The following NPLOC4 variants were observed in gnomAD, a reference collection of about 807,000 sequenced individuals.
The protein encoded by NPLOC4 is NPL4 homolog, ubiquitin recognition factor.
NPLOC4 carries 18 observed loss-of-function variants against 80.6 expected under a neutral mutation model. The ratio of observed to expected loss-of-function variants is 0.22; its 90% CI spans 0.15 to 0.33. NPLOC4 has a LOEUF of 0.33. Among genes scored for constraint, NPLOC4 ranks in the 10% least tolerant of loss-of-function variants. The probability of loss-of-function intolerance (pLI) is 1.00; values close to 1 mark genes in which losing one functional copy is unlikely to be tolerated. For synonymous variants in NPLOC4, 313 were observed against 301.5 expected (o/e 1.04, Z -0.39); for missense variants, 540 against 786.1 (o/e 0.69, Z 3.74).
Position 81,558,815 on chromosome 17 carries a change from A to C in NPLOC4, c.*444T>G. On this transcript the variant is annotated 3_prime_UTR_variant, in exon 17 of 17. Transcript: ENST00000331134. The stretch of plus-strand genomic sequence containing the variant: ...ACAGGCAGGGTGCCTGCCACCAAGC[A>C]GTCAGACAAGGGGGTAACCAAGAGC... 1 of 153,944 alleles carries C rather than the reference A, an allele frequency of 6.5e-6. No homozygotes were observed. Among genetic ancestry groups the C allele is most frequent in the Non-Finnish European group, 1.4e-5 (1 of 69,164 alleles). The allele number at this position is 153,944 out of a possible 1,614,324, so 9.5% of individuals were successfully genotyped here.
chr17:81,609,331 T>C (rs898554734), intron 5 of NPLOC4, among the ~76,000 whole-genome samples: 2 of 152,168 alleles, frequency 1.3e-5, no homozygotes, highest in African/African-American at 2.4e-5. Flanking sequence ...TTAACTGTTT[T>C]AGAGATGGGG....
At chr17:81,560,887 T>A (rs1211668346) in intron 16 of NPLOC4, 1 of 152,232 alleles carries the variant, frequency 6.6e-6, no homozygotes, top group Non-Finnish European at 1.5e-5. Flanking sequence ...GTCGCGTTTT[T>A]TTCATTTCAG....
chr17:81,604,844 A>G (rs1732388194), intron 7 of NPLOC4, 117 bp from the exon 8 acceptor site: 1 of 897,466 alleles, frequency 1.1e-6, no homozygotes, highest in Non-Finnish European at 1.7e-6. Flanking sequence ...AAACAAACCA[A>G]TAGGGTGTGA....
At chr17:81,611,104 G>C (rs942518323) in intron 4 of NPLOC4, among the ~76,000 whole-genome samples, 16 of 152,046 alleles carry the variant, frequency 1.1e-4, no homozygotes, top group African/African-American at 3.6e-4. Flanking sequence ...TGGATCACCT[G>C]AGGTCAGGAG....
At chr17:81,604,444 G>C (rs948805132) in intron 8 of NPLOC4, 104 bp downstream of exon 8, 9 of 1,035,448 alleles carry the variant, frequency 8.7e-6, no homozygotes, top group Non-Finnish European at 1.2e-5. Flanking sequence ...GTGTGACAAA[G>C]GGGGAACAAA....
At chr17:81,574,346 C>T (rs963696154) in intron 12 of NPLOC4, among the ~76,000 whole-genome samples, 2 of 152,156 alleles carry the variant, frequency 1.3e-5, no homozygotes, top group Non-Finnish European at 2.9e-5. Context: ...TTTTCCACTC[C>T]CCAAGAAAAT....
rs1206402527 is a variant in NPLOC4 at position 81,564,762 on chromosome 17, TG to T, written c.1669+742del. The T allele has an allele frequency of 5.6e-5, 8 of 142,306 alleles. No homozygotes were observed. In the East Asian group the frequency reaches 1.6e-3, roughly 29 times the overall value. 8.8% of individuals were successfully genotyped at this position (142,306 alleles called of 1,614,324 possible). ...AAGATCACGCCACCACACTCCAGCC[TG>T]GGTGACAAGAGCCAAACTCCGTCTC... On this transcript the variant is annotated intron_variant, in intron 16 of 16. Transcript: ENST00000331134.
intron 11 of NPLOC4, among the ~76,000 whole-genome samples, chr17:81,595,512 A>T (rs1487696197): frequency 7.4e-6 from 1 of 135,616 alleles, no homozygotes; most frequent in East Asian, 2.0e-4. Context: ...TTGTCCATAT[A>T]TACATATACA....
At chr17:81,636,693 G>C (rs1178283061) in intron 1 of NPLOC4, among the ~76,000 whole-genome samples, 1 of 152,180 alleles carries the variant, frequency 6.6e-6, no homozygotes, top group East Asian at 1.9e-4. Context: ...CCCAGGGCGG[G>C]GAACCGGGGT....
At chr17:81,610,340 C>CT (rs2035309099) in intron 4 of NPLOC4, 82 bp from the exon 5 acceptor site, 2 of 1,275,420 alleles carry the variant, frequency 1.6e-6, no homozygotes, top group Admixed American at 2.0e-5. Context: ...GCACGTCCTA[C>CT]TTTAACAGAG....
At chr17:81,609,103 C>G (rs2035278478) in intron 5 of NPLOC4, among the ~76,000 whole-genome samples, 1 of 152,228 alleles carries the variant, frequency 6.6e-6, no homozygotes, top group African/African-American at 2.4e-5. Flanking sequence ...TCACTACAAC[C>G]TCCACCTCTG....
At chr17:81,627,759 ACT>A (rs1363953066) in intron 2 of NPLOC4, among the ~76,000 whole-genome samples, 2 of 151,494 alleles carry the variant, frequency 1.3e-5, no homozygotes, top group East Asian at 3.9e-4. Flanking sequence ...CAAGAGCGAA[ACT>A]CTGTCTCAAA....
At chr17:81,563,487 T>C (rs181362627) in intron 16 of NPLOC4, 4 of 160,712 alleles carry the variant, frequency 2.5e-5, no homozygotes, top group Admixed American at 6.0e-5. Flanking sequence ...GGAGGATCGC[T>C]TGAGCTCAGG....
chr17:81,605,489 A>G (rs1429287001), intron 7 of NPLOC4, among the ~76,000 whole-genome samples: 1 of 151,760 alleles, frequency 6.6e-6, no homozygotes, highest in African/African-American at 2.4e-5. Context: ...CTCTACTAAA[A>G]ATACAAAAAT....
intron 3 of NPLOC4, among the ~76,000 whole-genome samples, chr17:81,614,104 G>A (rs927644965): frequency 4.0e-5 from 6 of 151,576 alleles, no homozygotes; most frequent in East Asian, 1.9e-4. Flanking sequence ...GTGAAATCTC[G>A]TCTCTATTAA....
chr17:81,623,387 C>T (rs1179986939), intron 2 of NPLOC4, among the ~76,000 whole-genome samples: 3 of 140,898 alleles, frequency 2.1e-5, no homozygotes, highest in Admixed American at 7.6e-5. Flanking sequence ...ACTGCTTGGG[C>T]CTGGGAGGTA....
intron 3 of NPLOC4, among the ~76,000 whole-genome samples, chr17:81,616,742 AAG>A (rs1491045701): frequency 6.6e-6 from 1 of 151,902 alleles, no homozygotes; most frequent in Non-Finnish European, 1.5e-5. Flanking sequence ...AAAAAAAAAA[AAG>A]AGTAACACAC....
chr17:81,628,364 A>G (rs1160690373), intron 2 of NPLOC4, among the ~76,000 whole-genome samples: 1 of 152,030 alleles, frequency 6.6e-6, no homozygotes, highest in Admixed American at 6.6e-5. Flanking sequence ...AATACAAAAA[A>G]TTAGTCAGGT....
chr17:81,571,956 G>T, intron 13 of NPLOC4, 61 bp downstream of exon 13: 2 of 1,303,416 alleles, frequency 1.5e-6, no homozygotes, highest in Non-Finnish European at 1.1e-6. Flanking sequence ...CCACCCAGCA[G>T]TCCCACCTAC....
Sources: allele counts gnomAD v4.1 joint callset (sites outside exome capture counted in the v4.1 genomes callset), GRCh38; gene constraint gnomAD v4.1.1; transcripts MANE v1.5; gene names NCBI Gene and HGNC (gene_info 2026-07-23, HGNC 2026-07-21).